Variants in LYPLAL1 observed in about 807,000 individuals in gnomAD.
LYPLAL1 encodes lysophospholipase-like protein 1.
A neutral mutation model predicts 19.7 loss-of-function variants in LYPLAL1; 23 were observed. That is an observed-to-expected ratio of 1.17 (90% CI 0.84 to 1.65). The LOEUF (loss-of-function observed/expected upper bound fraction) is 1.65. LYPLAL1 is among the 40% of genes most tolerant of loss of function. The pLI is 0.00. For missense variants in LYPLAL1, 355 were observed against 279.4 expected (o/e 1.27, Z -1.93); for synonymous variants, 119 against 96.3 (o/e 1.24, Z -1.38).
At chr1:219,225,655 G>A in the LYPLAL1 span, among the ~76,000 whole-genome samples, 1 of 151,986 alleles carries the variant, frequency 6.6e-6, no homozygotes, top group Non-Finnish European at 1.5e-5. Flanking sequence ...TATTTCCCAT[G>A]TGCCCTGAGA....
chr1:219,255,185 G>A, the LYPLAL1 span, among the ~76,000 whole-genome samples: 1 of 151,438 alleles, frequency 6.6e-6, no homozygotes, highest in South Asian at 2.1e-4. Flanking sequence ...GATGAATTTG[G>A]GGAGAATTGA....
At chr1:219,218,007 T>A in the LYPLAL1 span, among the ~76,000 whole-genome samples, 4 of 152,112 alleles carry the variant, frequency 2.6e-5, no homozygotes, top group South Asian at 8.3e-4. Flanking sequence ...GTTCTTCTGC[T>A]TGAAGTTTTA....
the LYPLAL1 span, among the ~76,000 whole-genome samples, chr1:219,348,606 A>T: frequency 6.6e-6 from 1 of 152,182 alleles, no homozygotes; most frequent in Non-Finnish European, 1.5e-5. Context: ...TTGACCTAAT[A>T]AGCTAAAATT....
chr1:219,217,379 G>GGTGTGTGTGTGTGTGTGT (rs371579948), downstream of LYPLAL1, among the ~76,000 whole-genome samples: 10,008 of 133,820 alleles, frequency 0.075, 479 homozygotes, highest in Admixed American at 0.12. Context: ...TGCCAGGTTT[G>GGTGTGTGTGTGTGTGTGT]GTGTGTGTGT....
the LYPLAL1 span, among the ~76,000 whole-genome samples, chr1:219,419,723 T>C: frequency 3.3e-5 from 5 of 152,104 alleles, no homozygotes; most frequent in Non-Finnish European, 7.3e-5. Flanking sequence ...TCCTGTTATG[T>C]CCTGACTGTG....
At chr1:219,254,736 G>A in the LYPLAL1 span, among the ~76,000 whole-genome samples, 2 of 151,862 alleles carry the variant, frequency 1.3e-5, no homozygotes, top group Non-Finnish European at 2.9e-5. Context: ...CTTGGAGAAA[G>A]CTCAATTACG....
At chr1:219,290,416 A>G in the LYPLAL1 span, among the ~76,000 whole-genome samples, 1 of 152,210 alleles carries the variant, frequency 6.6e-6, no homozygotes, top group South Asian at 2.1e-4. Flanking sequence ...CAGATTGATA[A>G]CATTTACTAA....
intron 3 of LYPLAL1, chr1:219,199,973 A>G (rs1436066518): frequency 8.5e-6 from 2 of 234,148 alleles, no homozygotes; most frequent in African/African-American, 4.6e-5. Flanking sequence ...CATCCCCAGG[A>G]TATTAGACAC....
In LYPLAL1 at chr1:219,182,444, G is replaced by A. The variant is rs574485774; in HGVS notation, c.191+3198G>A. ...TAGTTGCTACCTTCCATCTATTATG[G>A]CAATGTTTCTTGTGCTGCTAATAAG... On this transcript the variant is annotated intron_variant, in intron 2 of 4. Coordinates refer to ENST00000366928, the MANE Select transcript of LYPLAL1 (RefSeq NM_138794.5). Among the ~76,000 whole-genome samples, 5 of 152,042 alleles carry A rather than the reference G, an allele frequency of 3.3e-5. No homozygotes were observed. The South Asian group carries it at 8.3e-4, about 25-fold the overall frequency.
At chr1:219,331,754 G>C in the LYPLAL1 span, among the ~76,000 whole-genome samples, 2 of 152,146 alleles carry the variant, frequency 1.3e-5, no homozygotes, top group African/African-American at 4.8e-5. Flanking sequence ...ATGTCAAGTA[G>C]GGTGAAAAGC....
the LYPLAL1 span, among the ~76,000 whole-genome samples, chr1:219,232,011 A>G: frequency 2.6e-5 from 4 of 152,178 alleles, no homozygotes; most frequent in African/African-American, 7.2e-5. Context: ...CCCTTCCTAT[A>G]CAATTGAAAT....
At chr1:219,442,570 AC>A in the LYPLAL1 span, 1 of 152,152 alleles carries the variant, frequency 6.6e-6, no homozygotes, top group Non-Finnish European at 1.5e-5. Context: ...ACGGAAACTC[AC>A]CCCAGGATGA....
At chr1:219,274,376 G>C in the LYPLAL1 span, among the ~76,000 whole-genome samples, 1 of 152,092 alleles carries the variant, frequency 6.6e-6, no homozygotes, top group Non-Finnish European at 1.5e-5. Flanking sequence ...CTTGAAGCAT[G>C]AAAGAGTTTG....
chr1:219,175,036 A>G, intron 1 of LYPLAL1: 2 of 985,404 alleles, frequency 2.0e-6, no homozygotes, highest in Non-Finnish European at 1.2e-6. Context: ...CTTAAATGGG[A>G]CGGTGATTGG....
chr1:219,179,067 G>T lies in LYPLAL1; in HGVS notation c.92-80G>T, dbSNP rs986520383. The T allele has an allele frequency of 7.9e-6, 7 of 886,366 alleles. No individual in the cohort carries two copies. The African/African-American group carries it at 1.0e-4, about 13-fold the overall frequency. 54.9% of individuals were successfully genotyped at this position (886,366 alleles called of 1,614,324 possible). The stretch of plus-strand genomic sequence containing the variant: ...AAATCCTTTATTCCATCCTCTGTGT[G>T]ACATAAAAGTTTTAGACTGCTTTGA... On this transcript the variant is annotated intron_variant, in intron 1 of 4. Coordinates refer to ENST00000366928, the MANE Select transcript of LYPLAL1 (RefSeq NM_138794.5).
chr1:219,306,741 C>CATAGATAG, the LYPLAL1 span, among the ~76,000 whole-genome samples: 41,801 of 127,680 alleles, frequency 0.33, 7,481 homozygotes, highest in Non-Finnish European at 0.38. Flanking sequence ...CAGACAGATG[C>CATAGATAG]ATAGATAGAT....
In LYPLAL1 at chr1:219,173,902, G is replaced by T. The variant is rs751150098; in HGVS notation, c.12G>T (p.Ala4=). 7 of 1,613,130 alleles carry T rather than the reference G, an allele frequency of 4.3e-6. No individual in the cohort carries two copies. The highest frequency in any genetic ancestry group is 5.9e-6 in the Non-Finnish European group (7 of 1,179,946). Residue 4 remains alanine, a synonymous_variant, in exon 1 of 5, where the codon GCG becomes GCT. Coordinates refer to ENST00000366928, the MANE Select transcript of LYPLAL1 (RefSeq NM_138794.5). MAA[A]SGSVLQRCIV... ...CAGTGGCATCAGCGATGGCGGCTGC[G>T]TCGGGGTCGGTTCTGCAGCGCTGTA... is the stretch of plus-strand genomic sequence containing the variant.
the LYPLAL1 span, among the ~76,000 whole-genome samples, chr1:219,428,522 C>G: frequency 5.2e-3 from 791 of 152,276 alleles, 4 homozygotes; most frequent in African/African-American, 0.018. Context: ...CTTCTACTTC[C>G]TGTATTTTTT....
the LYPLAL1 span, among the ~76,000 whole-genome samples, chr1:219,406,640 A>C: frequency 1.3e-5 from 2 of 152,176 alleles, no homozygotes; most frequent in Non-Finnish European, 2.9e-5. Context: ...ATAAAAAACA[A>C]TTTGTGTTTG....
Sources: allele counts gnomAD v4.1 joint callset (sites outside exome capture counted in the v4.1 genomes callset), GRCh38; gene constraint gnomAD v4.1.1; transcripts MANE v1.5; gene names NCBI Gene and HGNC (gene_info 2026-07-23, HGNC 2026-07-21).